Variants in ZFYVE28 observed in about 807,000 individuals in gnomAD.
ZFYVE28 encodes zinc finger FYVE-type containing 28.
Under a neutral mutation model 82.1 loss-of-function variants are expected in ZFYVE28, and 40 were observed. The ratio of observed to expected loss-of-function variants is 0.49; its 90% CI spans 0.38 to 0.63. ZFYVE28 has a LOEUF of 0.63. Among genes scored for constraint, ZFYVE28 ranks in the 30% least tolerant of loss-of-function variants. The pLI is 0.00. For missense variants in ZFYVE28, 1,321 were observed against 1,242.1 expected, an observed-to-expected ratio of 1.06 and a Z score of -0.96; for synonymous variants, 612 against 546.1, an observed-to-expected ratio of 1.12 and a Z score of -1.68.
chr4:2,330,694 TG>T, intron 6 of ZFYVE28: 1 of 1,443,436 alleles, frequency 6.9e-7, no homozygotes, highest in African/African-American at 1.5e-5. Context: ...AAGAGGACAC[TG>T]GAGCAGAGGG....
chr4:2,359,107 T>C (rs1035873124), intron 1 of ZFYVE28, among the ~76,000 whole-genome samples: 1 of 151,738 alleles, frequency 6.6e-6, no homozygotes, highest in African/African-American at 2.4e-5. Flanking sequence ...CCCAAGTAGC[T>C]GGGACTACAG....
chr4:2,284,289 A>G (rs1358417900), intron 8 of ZFYVE28, among the ~76,000 whole-genome samples: 1 of 152,042 alleles, frequency 6.6e-6, no homozygotes, highest in Admixed American at 6.5e-5. Context: ...TGGCGTGACC[A>G]CGGCTCACTG....
In ZFYVE28 at chr4:2,362,580, C is replaced by T. The variant is rs1726312869; in HGVS notation, c.40-8507G>A. ...CATGGGCAGCCATGACCCATGTCCC[C>T]AAGGCAGGCCTCATCCACAGCAGAC... On this transcript the variant is annotated intron_variant, in intron 1 of 12. Coordinates refer to ENST00000290974, the MANE Select transcript of ZFYVE28 (RefSeq NM_020972.3). The surrounding 1 kb of genome is among the most constrained non-coding windows in gnomAD (Gnocchi z 5.1). Among the ~76,000 whole-genome samples the T allele has an allele frequency of 1.3e-5, 2 of 152,116 alleles. No individual in the cohort carries two copies. The highest frequency in any genetic ancestry group is 6.5e-5 in the Admixed American group (1 of 15,288).
In ZFYVE28 at chr4:2,388,922, A is replaced by G. The variant is rs532216857; in HGVS notation, c.39+29363T>C. On this transcript the variant is annotated intron_variant, in intron 1 of 12. Coordinates refer to ENST00000290974, the MANE Select transcript of ZFYVE28 (RefSeq NM_020972.3). Reference sequence around the variant, plus strand: ...CACAGCTTACCCTTTTAAAATAAGCACTGATGGCAAAGGAAGAGTCCTGCC... The same window carrying G: ...CACAGCTTACCCTTTTAAAATAAGCGCTGATGGCAAAGGAAGAGTCCTGCC... Among the ~76,000 whole-genome samples the G allele has an allele frequency of 2.6e-5, 4 of 152,330 alleles. No individual in the cohort carries two copies. The East Asian group carries it at 7.7e-4, about 29-fold the overall frequency.
At chr4:2,313,273 T>C (rs1230208632) in intron 7 of ZFYVE28, among the ~76,000 whole-genome samples, 1 of 151,958 alleles carries the variant, frequency 6.6e-6, no homozygotes, top group Admixed American at 6.6e-5. Flanking sequence ...AATTAATTTA[T>C]TTATTTAGAT....
At chr4:2,386,550 G>A (rs1729277815) in intron 1 of ZFYVE28, among the ~76,000 whole-genome samples, 1 of 152,158 alleles carries the variant, frequency 6.6e-6, no homozygotes. Flanking sequence ...CCAGCCGTTT[G>A]TGGACTGAGG....
intron 6 of ZFYVE28, chr4:2,330,765 G>T: frequency 6.6e-7 from 1 of 1,512,572 alleles, no homozygotes. Flanking sequence ...GGGACAGTGT[G>T]GCAGTAGGGA....
At chr4:2,358,975 C>CTTTT (rs34020284) in intron 1 of ZFYVE28, among the ~76,000 whole-genome samples, 1 of 125,778 alleles carries the variant, frequency 8.0e-6, no homozygotes, top group Non-Finnish European at 1.6e-5. Flanking sequence ...CCAATTTTTT[C>CTTTT]TTTTTTTTTT....
intron 8 of ZFYVE28, among the ~76,000 whole-genome samples, chr4:2,276,741 G>C (rs868300188): frequency 6.6e-6 from 1 of 152,064 alleles, no homozygotes; most frequent in African/African-American, 2.4e-5. Context: ...TCTCCGACAC[G>C]AGGTCCTGAG....
rs9999316 is a variant in ZFYVE28, at chr4:2,408,587, G to A, written c.39+9698C>T. Among the ~76,000 whole-genome samples the A allele has an allele frequency of 0.14, 21,887 of 152,178 alleles. 1,883 individuals are homozygous for A. Among genetic ancestry groups the A allele is most frequent in the East Asian group, 0.34 (1,746 of 5,176 alleles). Reference sequence around the variant, plus strand: ...CTGAAGCTCCGCCCAGTTGGGCCCCGCCCAGGTAAGCCCCATCTAGATGAA... The same window carrying A: ...CTGAAGCTCCGCCCAGTTGGGCCCCACCCAGGTAAGCCCCATCTAGATGAA... On this transcript the variant is annotated intron_variant, in intron 1 of 12. Coordinates refer to ENST00000290974, the MANE Select transcript of ZFYVE28 (RefSeq NM_020972.3). This position sits in a 1 kb window ranked among gnomAD's most constrained non-coding sequence, Gnocchi z 4.3.
intron 8 of ZFYVE28, among the ~76,000 whole-genome samples, chr4:2,298,973 G>A (rs898322272): frequency 1.3e-5 from 2 of 152,188 alleles, no homozygotes; most frequent in Non-Finnish European, 2.9e-5. Flanking sequence ...GGAGCAGCGC[G>A]CCTCGCACCA....
At chr4:2,410,313 T>C (rs1382919145) in intron 1 of ZFYVE28, among the ~76,000 whole-genome samples, 1 of 152,186 alleles carries the variant, frequency 6.6e-6, no homozygotes, top group African/African-American at 2.4e-5. Flanking sequence ...ATCTGCTTTC[T>C]GTCTCAATGG....
chr4:2,304,180 T>G (rs1716106610), intron 8 of ZFYVE28, 109 bp downstream of exon 8: 2 of 1,401,784 alleles, frequency 1.4e-6, no homozygotes, highest in African/African-American at 2.9e-5. Flanking sequence ...CACCTGCCGG[T>G]GGCCAAGATG....
At chr4:2,283,145 CATATATTT>C in intron 8 of ZFYVE28, among the ~76,000 whole-genome samples, 1 of 151,172 alleles carries the variant, frequency 6.6e-6, no homozygotes, top group South Asian at 2.1e-4. Flanking sequence ...TTTACCCATC[CATATATTT>C]ACCTATCCAT....
intron 7 of ZFYVE28, among the ~76,000 whole-genome samples, chr4:2,313,749 C>A (rs1175738048): frequency 1.3e-5 from 2 of 150,574 alleles, no homozygotes; most frequent in African/African-American, 4.9e-5. Context: ...TGCCTGTAAT[C>A]AGGAGAATTG....
intron 1 of ZFYVE28, among the ~76,000 whole-genome samples, chr4:2,406,986 C>G (rs911681994): frequency 6.6e-6 from 1 of 152,070 alleles, no homozygotes; most frequent in Non-Finnish European, 1.5e-5. Flanking sequence ...CCATCAAAGA[C>G]CTCAGTGCCA....
rs1396900736 is a variant in ZFYVE28 at position 2,417,744 on chromosome 4, G to A, written c.39+541C>T. Among the ~76,000 whole-genome samples the A allele has an allele frequency of 6.6e-6, 1 of 152,156 alleles. No homozygotes were observed. The highest frequency in any genetic ancestry group is 6.5e-5 in the Admixed American group (1 of 15,282). ...AAGGACGGGTCTGCCCTGGACCCAGGGATTGGGAAATGTGGGTTCTCTCAG... is the reference window on the plus strand; with the variant it reads ...AAGGACGGGTCTGCCCTGGACCCAGAGATTGGGAAATGTGGGTTCTCTCAG... On this transcript the variant is annotated intron_variant, in intron 1 of 12. Transcript: ENST00000290974. This position sits in a 1 kb window ranked among gnomAD's most constrained non-coding sequence, Gnocchi z 4.8.
intron 6 of ZFYVE28, among the ~76,000 whole-genome samples, chr4:2,334,574 G>A (rs1427895027): frequency 4.0e-5 from 6 of 151,662 alleles, no homozygotes; most frequent in Non-Finnish European, 7.4e-5. Flanking sequence ...CATGGCCTCA[G>A]TGAGGTCTCT....
rs1363220978 is a variant in ZFYVE28, at chr4:2,339,424, C to T, written c.521+29G>A. ...CACAACCGTCCCCCAGCTCATACAG[C>T]CAGGGCTGTGGACCCACAGCTGCAG... On this transcript the variant is annotated intron_variant, in intron 4 of 12. Transcript: ENST00000290974. The surrounding 1 kb of genome is among the most constrained non-coding windows in gnomAD (Gnocchi z 5.0). 2 of 1,608,676 alleles carry T rather than the reference C, an allele frequency of 1.2e-6. No individual in the cohort carries two copies. The highest frequency in any genetic ancestry group is 1.7e-5 in the Admixed American group (1 of 59,144).
Sources: gnomAD v4.1 joint callset for allele counts (sites outside exome capture counted in the v4.1 genomes callset) on GRCh38, gnomAD v4.1.1 for gene constraint, Gnocchi (gnomAD v3.1) non-coding constraint, MANE v1.5 for transcripts, NCBI Gene and HGNC (gene_info 2026-07-23, HGNC 2026-07-21) for gene names.